PCDHA1: variants seen among roughly 807,000 people sequenced by gnomAD.
PCDHA1 encodes protocadherin alpha 1, also known as protocadherin alpha-1.
In PCDHA1, 42 loss-of-function variants were observed where a neutral mutation model predicts 61.3. That is an observed-to-expected ratio of 0.69 (90% CI 0.54 to 0.89). The LOEUF is 0.89. Ranked by LOEUF, PCDHA1 falls within the 40% of genes least tolerant of loss-of-function variation. PCDHA1 has a pLI of 0.00. For missense variants in PCDHA1, 1,256 were observed against 1,235.3 expected, an observed-to-expected ratio of 1.02 and a Z score of -0.25; for synonymous variants, 610 against 553.8, an observed-to-expected ratio of 1.10 and a Z score of -1.43.
At chr5:140,809,746 C>A in intron 1 of PCDHA1, 2 of 665,558 alleles carry the variant, frequency 3.0e-6, no homozygotes, top group Non-Finnish European at 4.9e-6. Flanking sequence ...TATATATTGC[C>A]TTCCTTCATT....
intron 1 of PCDHA1, chr5:140,848,680 G>A: frequency 1.9e-6 from 3 of 1,592,366 alleles, no homozygotes; most frequent in East Asian, 2.2e-5. Context: ...CTGGTGCCGC[G>A]CCTGTTCCAG....
intron 1 of PCDHA1, chr5:140,870,635 C>T (rs1365729454): frequency 1.9e-6 from 3 of 1,612,850 alleles, no homozygotes; most frequent in Non-Finnish European, 2.5e-6. Flanking sequence ...TCGGTGCACG[C>T]GGAGAGCGGC....
intron 1 of PCDHA1, among the ~76,000 whole-genome samples, chr5:140,909,538 A>T (rs1204423392): frequency 6.6e-6 from 1 of 152,148 alleles, no homozygotes; most frequent in East Asian, 1.9e-4. Context: ...TGAGTCCTTG[A>T]TGGTGGCACT....
intron 1 of PCDHA1, chr5:140,808,597 G>C: frequency 1.2e-6 from 2 of 1,613,948 alleles, no homozygotes; most frequent in Non-Finnish European, 1.7e-6. Flanking sequence ...ACAACCCGCC[G>C]GGCTGCCACA....
At chr5:140,801,533 G>A (rs371646424) in intron 1 of PCDHA1, 5 of 1,614,134 alleles carry the variant, frequency 3.1e-6, no homozygotes, top group Non-Finnish European at 4.2e-6. Flanking sequence ...TCGTGGACAG[G>A]CCGCTGCAGG....
chr5:140,908,754 A>G (rs1403008536), intron 1 of PCDHA1, among the ~76,000 whole-genome samples: 1 of 152,184 alleles, frequency 6.6e-6, no homozygotes, highest in African/African-American at 2.4e-5. Context: ...ACTTGCACAC[A>G]GCCTGGACGT....
intron 3 of PCDHA1, among the ~76,000 whole-genome samples, chr5:140,999,809 CAA>C (rs1350603380): frequency 1.3e-5 from 2 of 152,160 alleles, no homozygotes; most frequent in African/African-American, 2.4e-5. Flanking sequence ...GGGCACAAAG[CAA>C]GAGCTGTGGC....
chr5:140,901,301 G>A (rs990062811), intron 1 of PCDHA1, among the ~76,000 whole-genome samples: 11 of 152,112 alleles, frequency 7.2e-5, no homozygotes, highest in Non-Finnish European at 1.5e-4. Flanking sequence ...CTGATGTTCC[G>A]GAGAGTTTCC....
chr5:140,877,015 G>C (rs371309003), intron 1 of PCDHA1: 9 of 1,612,358 alleles, frequency 5.6e-6, no homozygotes, highest in Non-Finnish European at 7.6e-6. Context: ...CGCGGAGAGC[G>C]GCAAGGTGTA....
chr5:140,971,091 T>G (rs1355075556), intron 1 of PCDHA1, among the ~76,000 whole-genome samples: 1 of 152,180 alleles, frequency 6.6e-6, no homozygotes, highest in Non-Finnish European at 1.5e-5. Flanking sequence ...AACAAATTCT[T>G]GTGAAGCCCT....
At chr5:140,968,673 A>G in intron 1 of PCDHA1, 2 of 1,614,168 alleles carry the variant, frequency 1.2e-6, no homozygotes, top group Non-Finnish European at 1.7e-6. Context: ...TTTAAGGTAG[A>G]GCTGCACACA....
At chr5:140,836,667 G>T in intron 1 of PCDHA1, 1 of 1,613,396 alleles carries the variant, frequency 6.2e-7, no homozygotes, top group Non-Finnish European at 8.5e-7. Context: ...GTGCTCTGGG[G>T]AGGGCCCACC....
At chr5:140,953,398 C>G (rs1247752047) in intron 1 of PCDHA1, among the ~76,000 whole-genome samples, 9 of 152,150 alleles carry the variant, frequency 5.9e-5, no homozygotes, top group Non-Finnish European at 7.3e-5. Flanking sequence ...GATTACAGTG[C>G]TGTTGCTCCT....
chr5:140,862,682 T>C (rs536714837), intron 1 of PCDHA1: 55 of 551,686 alleles, frequency 1.0e-4, no homozygotes, highest in South Asian at 7.3e-4. Flanking sequence ...AACGTGCTGG[T>C]GTCCTACTCG....
At chr5:140,972,353 T>C (rs571045648) in intron 1 of PCDHA1, among the ~76,000 whole-genome samples, 5 of 152,058 alleles carry the variant, frequency 3.3e-5, no homozygotes, top group South Asian at 2.1e-4. Flanking sequence ...TCTCACTATG[T>C]TGCACATGCT....
chr5:140,852,048 G>T, intron 1 of PCDHA1: 1 of 917,014 alleles, frequency 1.1e-6, no homozygotes, highest in Non-Finnish European at 1.3e-6. Flanking sequence ...TTGTTATGTG[G>T]TTTATATTTT....
chr5:140,900,081 G>T (rs1306300563), intron 1 of PCDHA1, among the ~76,000 whole-genome samples: 1 of 152,062 alleles, frequency 6.6e-6, no homozygotes, highest in African/African-American at 2.4e-5. Context: ...AAGTGCTGCA[G>T]TTACAAGCAT....
intron 1 of PCDHA1, chr5:140,865,693 C>T (rs1274401482): frequency 6.6e-6 from 1 of 152,076 alleles, no homozygotes; most frequent in South Asian, 2.1e-4. Context: ...TATGACTGTT[C>T]CAATTTGAAA....
intron 1 of PCDHA1, chr5:140,824,610 G>GTTTTTTTGT (rs1768198907): frequency 1.1e-5 from 1 of 95,104 alleles, no homozygotes; most frequent in Non-Finnish European, 1.9e-5. Flanking sequence ...GCTAATTAAA[G>GTTTTTTTGT]TTTTTTTTTT....
Sources: allele counts gnomAD v4.1 joint callset (sites outside exome capture counted in the v4.1 genomes callset), GRCh38; gene constraint gnomAD v4.1.1; transcripts MANE v1.5; gene names NCBI Gene and HGNC (gene_info 2026-07-23, HGNC 2026-07-21).